Variants in RAPGEF5 observed in about 807,000 individuals in gnomAD.
RAPGEF5 encodes Rap guanine nucleotide exchange factor 5, also known as M-Ras-regulated GEF.
In RAPGEF5, 65 loss-of-function variants were observed where a neutral mutation model predicts 125.2. That is an observed-to-expected ratio of 0.52 (90% CI 0.43 to 0.64). The LOEUF (loss-of-function observed/expected upper bound fraction) is 0.64, where lower values mean the gene tolerates loss of function less well. Ranked by LOEUF, RAPGEF5 falls within the 30% of genes least tolerant of loss-of-function variation. The probability of loss-of-function intolerance (pLI) is 0.00; values close to 1 mark genes in which losing one functional copy is unlikely to be tolerated. For missense variants in RAPGEF5, 958 were observed against 1,048.1 expected (o/e 0.91, Z 1.19); for synonymous variants, 391 against 385.9 (o/e 1.01, Z -0.16).
intron 9 of RAPGEF5, among the ~76,000 whole-genome samples, chr7:22,197,898 G>GA (rs1554327520): frequency 7.1e-6 from 1 of 141,530 alleles, no homozygotes; most frequent in Non-Finnish European, 1.5e-5. Context: ...TTTTTTGGGG[G>GA]GGGGTGGTAG....
intron 5 of RAPGEF5, among the ~76,000 whole-genome samples, chr7:22,293,388 CCCT>C (rs1782978266): frequency 6.6e-6 from 1 of 152,190 alleles, no homozygotes; most frequent in Admixed American, 6.5e-5. Flanking sequence ...GCCATCCCTT[CCCT>C]CCTCACTCCG....
At chr7:22,259,511 C>A (rs1782093325) in intron 7 of RAPGEF5, among the ~76,000 whole-genome samples, 1 of 152,130 alleles carries the variant, frequency 6.6e-6, no homozygotes, top group African/African-American at 2.4e-5. Flanking sequence ...TTGGTACTTA[C>A]CCAAAAGAGA....
chr7:22,353,083 T>C (rs1270141496), intron 1 of RAPGEF5, among the ~76,000 whole-genome samples: 5 of 152,240 alleles, frequency 3.3e-5, no homozygotes, highest in African/African-American at 1.2e-4. Context: ...TTTGAACCTA[T>C]ATCTAATCAA....
At chr7:22,285,436 T>C (rs1297299179) in intron 6 of RAPGEF5, among the ~76,000 whole-genome samples, 4 of 152,198 alleles carry the variant, frequency 2.6e-5, no homozygotes, top group African/African-American at 9.6e-5. Context: ...TAAAGATTCA[T>C]CAAAACCCAA....
intron 6 of RAPGEF5, among the ~76,000 whole-genome samples, chr7:22,271,235 C>G (rs558750320): frequency 1.4e-4 from 22 of 152,254 alleles, no homozygotes; most frequent in Non-Finnish European, 2.9e-4. Flanking sequence ...CGGGATTGAA[C>G]CAGGCATCAG....
In RAPGEF5 at chr7:22,122,376, G is replaced by A; in HGVS notation, c.*30C>T. 1.3e-6 allele frequency: 2 copies of A among 1,524,328 alleles called. No homozygotes were observed. The highest frequency in any genetic ancestry group is 1.8e-6 in the Non-Finnish European group (2 of 1,100,248). The allele number at this position is 1,524,328 out of a possible 1,614,324, so 94.4% of individuals were successfully genotyped here. A position where few individuals can be genotyped will look rare whatever the true frequency, so the allele number is the denominator to read the frequency against. The stretch of plus-strand genomic sequence containing the variant: ...AGACATTCCCGTAGCTCAAAGTGCT[G>A]CAGATACAGGGGAGGTGAGGCAGTG... On this transcript the variant is annotated 3_prime_UTR_variant, in exon 26 of 26. Transcript: ENST00000665637.
intron 7 of RAPGEF5, among the ~76,000 whole-genome samples, chr7:22,262,181 G>A (rs1043005074): frequency 1.3e-5 from 2 of 151,420 alleles, no homozygotes; most frequent in Non-Finnish European, 2.9e-5. Flanking sequence ...CTACTACCTA[G>A]AATACATAAA....
chr7:22,228,538 C>T (rs929279866), intron 8 of RAPGEF5, among the ~76,000 whole-genome samples: 4 of 151,820 alleles, frequency 2.6e-5, no homozygotes, highest in African/African-American at 4.9e-5. Flanking sequence ...GATGGAGTCT[C>T]GCCCTGTCAC....
At chr7:22,316,097 A>G (rs59165566) in intron 2 of RAPGEF5, among the ~76,000 whole-genome samples, 24,337 of 151,950 alleles carry the variant, frequency 0.16, 2,113 homozygotes, top group Non-Finnish European at 0.2. Flanking sequence ...TAATTCCCCC[A>G]TATGAGTCTC....
intron 23 of RAPGEF5, among the ~76,000 whole-genome samples, chr7:22,135,336 A>G (rs1365624804): frequency 1.3e-5 from 2 of 152,218 alleles, no homozygotes; most frequent in Non-Finnish European, 2.9e-5. Flanking sequence ...GCATACAGGT[A>G]AAGATTTACA....
At chr7:22,166,507 C>T (rs934544879) in intron 12 of RAPGEF5, among the ~76,000 whole-genome samples, 1 of 152,240 alleles carries the variant, frequency 6.6e-6, no homozygotes, top group African/African-American at 2.4e-5. Context: ...GCTTCCTTAA[C>T]TGGTCATTAA....
intron 5 of RAPGEF5, among the ~76,000 whole-genome samples, chr7:22,296,521 T>C (rs973785361): frequency 6.6e-6 from 1 of 152,148 alleles, no homozygotes; most frequent in Non-Finnish European, 1.5e-5. Flanking sequence ...GGACTGCCCC[T>C]AACTGTTTGG....
At chr7:22,243,279 CAG>C (rs1263511489) in intron 7 of RAPGEF5, among the ~76,000 whole-genome samples, 4 of 152,104 alleles carry the variant, frequency 2.6e-5, no homozygotes, top group Admixed American at 6.5e-5. Flanking sequence ...GTTCTTGAGA[CAG>C]AGTCTGACTC....
At chr7:22,167,943 A>C (rs532407046) in intron 11 of RAPGEF5, among the ~76,000 whole-genome samples, 72 of 152,348 alleles carry the variant, frequency 4.7e-4, no homozygotes, top group African/African-American at 1.6e-3. Context: ...TATATGCAGA[A>C]TGTAAAGTGG....
At chr7:22,291,854 AGTTTGTTT>A (rs372458584) in intron 5 of RAPGEF5, among the ~76,000 whole-genome samples, 9 of 152,218 alleles carry the variant, frequency 5.9e-5, no homozygotes, top group African/African-American at 2.2e-4. Context: ...ATGTAAGATC[AGTTTGTTT>A]GTTTGTTTGT....
chr7:22,299,138 G>C (rs989961063), intron 5 of RAPGEF5, among the ~76,000 whole-genome samples: 1 of 148,386 alleles, frequency 6.7e-6, no homozygotes, highest in Non-Finnish European at 1.5e-5. Flanking sequence ...TTTTTCTTTG[G>C]CTAGCTTTCT....
chr7:22,232,275 C>T (rs1786076693), intron 7 of RAPGEF5, among the ~76,000 whole-genome samples: 1 of 152,006 alleles, frequency 6.6e-6, no homozygotes, highest in Admixed American at 6.6e-5. Flanking sequence ...GTGAGGTCAC[C>T]CACTGTACTT....
chr7:22,234,099 C>G (rs1786127276), intron 7 of RAPGEF5, among the ~76,000 whole-genome samples: 1 of 152,064 alleles, frequency 6.6e-6, no homozygotes, highest in South Asian at 2.1e-4. Context: ...ATCTTGGGAG[C>G]AAAAGTGTAT....
chr7:22,220,985 G>A (rs17146447), intron 8 of RAPGEF5, among the ~76,000 whole-genome samples: 25,200 of 152,140 alleles, frequency 0.17, 2,203 homozygotes, highest in Admixed American at 0.2. Flanking sequence ...AAAGATACCC[G>A]TGTTGTTGAG....
Sources: gnomAD v4.1 joint callset for allele counts (sites outside exome capture counted in the v4.1 genomes callset) on GRCh38, gnomAD v4.1.1 for gene constraint, MANE v1.5 for transcripts, NCBI Gene and HGNC (gene_info 2026-07-23, HGNC 2026-07-21) for gene names.